Variants in GLB1 observed in about 807,000 individuals in gnomAD.
GLB1 encodes the protein beta-galactosidase.
A neutral mutation model predicts 74.0 loss-of-function variants in GLB1; 56 were observed. The observed-to-expected ratio is 0.76, with a 90% confidence interval of 0.61 to 0.94. GLB1 has a LOEUF of 0.94. Among genes scored for constraint, GLB1 ranks in the 40% least tolerant of loss-of-function variants. GLB1 has a pLI of 0.00. For missense variants in GLB1, 787 were observed against 845.5 expected (o/e 0.93, Z 0.86); for synonymous variants, 323 against 323.6 (o/e 1.00, Z 0.02).
chr3:32,988,173 A>G, the GLB1 span, among the ~76,000 whole-genome samples: 1 of 143,936 alleles, frequency 6.9e-6, no homozygotes, highest in Admixed American at 7.0e-5. Flanking sequence ...GTGACAGAGC[A>G]AGACTCCATC....
At chr3:32,993,316 G>C (rs892137010), downstream of GLB1, among the ~76,000 whole-genome samples, 1 of 152,084 alleles carries the variant, frequency 6.6e-6, no homozygotes, top group Non-Finnish European at 1.5e-5. Flanking sequence ...GAGAAGGGAA[G>C]AGAGAGGACA....
At chr3:32,994,955 CA>C (rs1696283352), downstream of GLB1, among the ~76,000 whole-genome samples, 1 of 150,918 alleles carries the variant, frequency 6.6e-6, no homozygotes, top group African/African-American at 2.4e-5. Context: ...TTCTGTTTTC[CA>C]AAAACTTCCT....
intron 1 of GLB1, among the ~76,000 whole-genome samples, chr3:33,073,752 T>C (rs564969627): frequency 3.5e-4 from 54 of 152,158 alleles, no homozygotes; most frequent in Non-Finnish European, 6.5e-4. Context: ...CTTATGCCTA[T>C]AATGCTAGCA....
the GLB1 span, among the ~76,000 whole-genome samples, chr3:32,973,873 C>T: frequency 2.6e-5 from 4 of 152,124 alleles, no homozygotes; most frequent in African/African-American, 9.7e-5. Flanking sequence ...AAGTGTTGAG[C>T]AAAGCTGAGA....
chr3:32,996,526 G>C (rs566109248), downstream of GLB1: 1 of 198,912 alleles, frequency 5.0e-6, no homozygotes, highest in African/African-American at 2.3e-5. Flanking sequence ...TAATTGTTTT[G>C]AGCTGTATTT....
intron 10 of GLB1, among the ~76,000 whole-genome samples, chr3:33,044,881 T>C (rs1361086048): frequency 6.6e-6 from 1 of 152,132 alleles, no homozygotes; most frequent in East Asian, 1.9e-4. Flanking sequence ...CCCACCTAGG[T>C]GCATTAGGTG....
chr3:33,083,319 C>A (rs574813305), intron 1 of GLB1, among the ~76,000 whole-genome samples: 1 of 149,014 alleles, frequency 6.7e-6, no homozygotes, highest in African/African-American at 2.5e-5. Context: ...ATCCCTTGAA[C>A]CTGGGAGGCA....
In GLB1 at chr3:33,092,048, C is replaced by A; in HGVS notation, c.75+4963G>T. The A allele has an allele frequency of 3.0e-6, 3 of 985,288 alleles. No individual in the cohort carries two copies. The South Asian group carries it at 1.4e-4, about 46-fold the overall frequency. The allele number at this position is 985,288 out of a possible 1,614,324, so 61.0% of individuals were successfully genotyped here. On this transcript the variant is annotated intron_variant, in intron 1 of 15. Coordinates refer to ENST00000307363, the MANE Select transcript of GLB1 (RefSeq NM_000404.4). ...CCAAATAGGGAAAAGCAGCCTGTCC[C>A]CAGTGAGCTCCCCGAAGGGTTGTAT...
intron 5 of GLB1, among the ~76,000 whole-genome samples, chr3:33,065,090 A>C (rs948927274): frequency 2.0e-5 from 3 of 152,186 alleles, no homozygotes; most frequent in African/African-American, 7.2e-5. Context: ...CCAGAAAACA[A>C]TATTGCAGGA....
In GLB1 at chr3:33,000,435, T is replaced by C. The variant is rs542603740; in HGVS notation, c.1735-3091A>G. Among the ~76,000 whole-genome samples the C allele has an allele frequency of 2.0e-5, 3 of 152,328 alleles. No individual in the cohort carries two copies. The East Asian group carries it at 5.8e-4, about 29-fold the overall frequency. The stretch of plus-strand genomic sequence containing the variant: ...TAAAAATGAACGTTCTTGTAAAGAA[T>C]ATTATACAAGGCCAGGTGTGGTGGC... On this transcript the variant is annotated intron_variant, in intron 15 of 15. Coordinates refer to ENST00000307363, the MANE Select transcript of GLB1 (RefSeq NM_000404.4).
intron 1 of GLB1, 149 bp from the exon 2 acceptor site, chr3:33,072,862 C>T: frequency 7.4e-7 from 1 of 1,342,910 alleles, no homozygotes; most frequent in East Asian, 2.5e-5. Flanking sequence ...ATCATACAAA[C>T]CATTGCTAAG....
intron 15 of GLB1, among the ~76,000 whole-genome samples, chr3:33,003,673 T>C (rs1350893748): frequency 6.6e-6 from 1 of 152,172 alleles, no homozygotes; most frequent in Non-Finnish European, 1.5e-5. Context: ...TAGGGTCCAA[T>C]AGTGTTAAGA....
intron 1 of GLB1, among the ~76,000 whole-genome samples, chr3:33,083,094 G>A (rs1248016563): frequency 6.6e-6 from 1 of 152,062 alleles, no homozygotes; most frequent in Non-Finnish European, 1.5e-5. Context: ...CTGACAGAAG[G>A]CGATCAAAAA....
rs79651919 is a variant in GLB1 at position 33,026,345 on chromosome 3, C to T, written c.1069-2020G>A. Among the ~76,000 whole-genome samples the T allele has an allele frequency of 0.023, 3,476 of 152,294 alleles. 555 individuals are homozygous for T. The East Asian group carries it at 0.42, about 19-fold the overall frequency. On this transcript the variant is annotated intron_variant, in intron 10 of 15. Transcript: ENST00000307363. ...GTAGCACTGACATGCCAGCCCCCTGCCACCTCAGCCCCCTCTGGACTTTGG... is the reference window on the plus strand; with the variant it reads ...GTAGCACTGACATGCCAGCCCCCTGTCACCTCAGCCCCCTCTGGACTTTGG...
chr3:33,039,614 A>T (rs1236760278), intron 10 of GLB1, among the ~76,000 whole-genome samples: 2 of 152,198 alleles, frequency 1.3e-5, no homozygotes, highest in Non-Finnish European at 2.9e-5. Context: ...GGAAGCGCTT[A>T]GGAGATACAC....
intron 15 of GLB1, among the ~76,000 whole-genome samples, chr3:33,000,969 A>T (rs979212897): frequency 6.6e-6 from 1 of 152,144 alleles, no homozygotes. Flanking sequence ...TAGGCTCTGC[A>T]TAGCTGCCAA....
chr3:33,059,505 A>G (rs1049106718), intron 5 of GLB1, among the ~76,000 whole-genome samples: 4 of 152,262 alleles, frequency 2.6e-5, no homozygotes, highest in Non-Finnish European at 4.4e-5. Context: ...AAGAAGCATG[A>G]CACTGAAAAA....
intron 1 of GLB1, chr3:33,094,048 G>C (rs777636307): frequency 6.2e-7 from 1 of 1,614,248 alleles, no homozygotes. Context: ...TTGACAAACA[G>C]GGCAAGCTGC....
At chr3:33,072,457 A>T in intron 2 of GLB1, 87 bp downstream of exon 2, 1 of 1,586,060 alleles carries the variant, frequency 6.3e-7, no homozygotes, top group Non-Finnish European at 8.6e-7. Flanking sequence ...CTGAGCAATA[A>T]AATAGCCACC....
Sources: gnomAD v4.1 joint callset for allele counts (sites outside exome capture counted in the v4.1 genomes callset) on GRCh38, gnomAD v4.1.1 for gene constraint, MANE v1.5 for transcripts, NCBI Gene and HGNC (gene_info 2026-07-23, HGNC 2026-07-21) for gene names.